CA10: variants seen among roughly 807,000 people sequenced by gnomAD.
The protein encoded by CA10 is carbonic anhydrase 10 (inactive).
A neutral mutation model predicts 44.2 loss-of-function variants in CA10; 14 were observed. The observed-to-expected ratio is 0.32, with a 90% CI of 0.21 to 0.50. The LOEUF is 0.50. Among genes scored for constraint, CA10 ranks in the 20% least tolerant of loss-of-function variants. The pLI, the probability that CA10 is intolerant of heterozygous loss-of-function variation, is 0.99. For synonymous variants in CA10, 159 were observed against 141.6 expected (o/e 1.12, Z -0.87); for missense variants, 350 against 409.7 (o/e 0.85, Z 1.26).
chr17:51,844,388 A>G (rs971975642), intron 3 of CA10, among the ~76,000 whole-genome samples: 10 of 152,240 alleles, frequency 6.6e-5, no homozygotes, highest in Non-Finnish European at 1.0e-4. Flanking sequence ...TTATCCTTCA[A>G]GAATTAGTGA....
chr17:52,053,730 C>T (rs1987145236), intron 2 of CA10, among the ~76,000 whole-genome samples: 1 of 152,084 alleles, frequency 6.6e-6, no homozygotes, highest in African/African-American at 2.4e-5. Context: ...GAGGGACCAG[C>T]TGAAGCCATG....
intron 3 of CA10, among the ~76,000 whole-genome samples, chr17:51,834,702 C>T (rs1214188953): frequency 6.6e-6 from 1 of 152,200 alleles, no homozygotes; most frequent in African/African-American, 2.4e-5. Context: ...TGAACCCATA[C>T]TTCTCCACTT....
intron 3 of CA10, among the ~76,000 whole-genome samples, chr17:51,877,495 TTCTC>T (rs759418100): frequency 2.2e-4 from 34 of 152,298 alleles, no homozygotes; most frequent in Admixed American, 1.3e-3. Context: ...ATCATGATGA[TTCTC>T]TCTTTGATAA....
At chr17:51,790,292 T>C (rs772514086) in intron 3 of CA10, among the ~76,000 whole-genome samples, 1 of 152,278 alleles carries the variant, frequency 6.6e-6, no homozygotes, top group East Asian at 1.9e-4. Context: ...AGAAGGGAAC[T>C]CAGCAGATCT....
intron 4 of CA10, among the ~76,000 whole-genome samples, chr17:51,658,587 A>G (rs1178185915): frequency 6.6e-6 from 1 of 152,188 alleles, no homozygotes; most frequent in Non-Finnish European, 1.5e-5. Flanking sequence ...AGCCTGAGAT[A>G]GGGACAAGCG....
chr17:52,147,229 C>A (rs141252551), intron 1 of CA10, among the ~76,000 whole-genome samples: 5 of 152,064 alleles, frequency 3.3e-5, no homozygotes, highest in Admixed American at 3.3e-4. Flanking sequence ...AATATTTTAT[C>A]ATATTTGGCA....
At chr17:51,866,808 T>C (rs903747623) in intron 3 of CA10, among the ~76,000 whole-genome samples, 9 of 152,320 alleles carry the variant, frequency 5.9e-5, no homozygotes, top group Middle Eastern at 3.4e-3. Flanking sequence ...AGCAGAAATG[T>C]AGCTCCATAT....
intron 6 of CA10, among the ~76,000 whole-genome samples, chr17:51,638,385 T>A (rs1341484916): frequency 6.6e-6 from 1 of 152,214 alleles, no homozygotes; most frequent in Non-Finnish European, 1.5e-5. Flanking sequence ...CTTTCACTTT[T>A]CATTTAAATG....
intron 3 of CA10, among the ~76,000 whole-genome samples, chr17:51,820,189 C>T (rs1175249276): frequency 2.4e-5 from 3 of 127,108 alleles, no homozygotes; most frequent in African/African-American, 9.3e-5. Flanking sequence ...AGCGCCGCCC[C>T]CCCCCCCCCA....
intron 3 of CA10, among the ~76,000 whole-genome samples, chr17:51,927,833 A>C (rs1330288720): frequency 6.6e-6 from 1 of 152,172 alleles, no homozygotes; most frequent in Non-Finnish European, 1.5e-5. Context: ...ACCTGAAACC[A>C]CAAAGAATTA....
At chr17:51,805,588 A>G (rs1327186803) in intron 3 of CA10, among the ~76,000 whole-genome samples, 1 of 152,260 alleles carries the variant, frequency 6.6e-6, no homozygotes, top group African/African-American at 2.4e-5. Context: ...AAAACTCCCC[A>G]AGAACATTTT....
rs776164701 is a variant in CA10 at position 52,136,446 on chromosome 17, C to T, written c.61+21280G>A. ...GACGGCTGAGAGGTAATTCAGCCAA[C>T]AGCAGCTCCCAGAATTTAAGGAGCA... On this transcript the variant is annotated intron_variant, in intron 1 of 8. Coordinates refer to ENST00000451037, the MANE Select transcript of CA10 (RefSeq NM_020178.5). Among the ~76,000 whole-genome samples, 44 of 152,278 alleles carry T rather than the reference C, an allele frequency of 2.9e-4. 1 individual carries two copies. Among genetic ancestry groups the T allele is most frequent in the Admixed American group, 3.3e-4 (5 of 15,296 alleles).
chr17:51,988,499 G>A (rs1984924076), intron 2 of CA10, among the ~76,000 whole-genome samples: 1 of 151,992 alleles, frequency 6.6e-6, no homozygotes, highest in Admixed American at 6.6e-5. Context: ...GGTTGTTTTG[G>A]TGTGGTGGTT....
chr17:52,064,847 A>G (rs1457791801), intron 2 of CA10, among the ~76,000 whole-genome samples: 1 of 152,200 alleles, frequency 6.6e-6, no homozygotes, highest in Non-Finnish European at 1.5e-5. Flanking sequence ...TCTATTAATC[A>G]TTCAGAGGAA....
chr17:51,781,823 T>A (rs1906072270), intron 3 of CA10, among the ~76,000 whole-genome samples: 1 of 152,226 alleles, frequency 6.6e-6, no homozygotes, highest in East Asian at 1.9e-4. Flanking sequence ...CTAGGCATAA[T>A]CCTTAACAAT....
At chr17:51,639,458 G>A (rs938898530) in intron 6 of CA10, among the ~76,000 whole-genome samples, 3 of 152,042 alleles carry the variant, frequency 2.0e-5, no homozygotes, top group Non-Finnish European at 4.4e-5. Flanking sequence ...GTATAGTGTA[G>A]GCTAGGAGCA....
chr17:51,840,569 G>A (rs964040465), intron 3 of CA10, among the ~76,000 whole-genome samples: 5 of 152,068 alleles, frequency 3.3e-5, no homozygotes, highest in Non-Finnish European at 7.4e-5. Flanking sequence ...GTGATAGATA[G>A]AGGGAGGGAG....
chr17:51,933,616 T>C (rs1598125524), intron 2 of CA10, among the ~76,000 whole-genome samples: 3 of 152,280 alleles, frequency 2.0e-5, no homozygotes, highest in Non-Finnish European at 2.9e-5. Context: ...TCATTTGTTA[T>C]GGCAGTAACG....
At chr17:52,153,771 G>A (rs1436331528) in intron 1 of CA10, among the ~76,000 whole-genome samples, 1 of 152,178 alleles carries the variant, frequency 6.6e-6, no homozygotes, top group Non-Finnish European at 1.5e-5. Context: ...CCTATACAAT[G>A]TCAGATTTGT....
Sources: gnomAD v4.1 joint callset for allele counts (sites outside exome capture counted in the v4.1 genomes callset) on GRCh38, gnomAD v4.1.1 for gene constraint, MANE v1.5 for transcripts, NCBI Gene and HGNC (gene_info 2026-07-23, HGNC 2026-07-21) for gene names.